Variants in SYN3 observed in about 807,000 individuals in gnomAD.
The protein encoded by SYN3 is synapsin III.
SYN3 carries 35 observed loss-of-function variants against 65.8 expected under a neutral mutation model. That is an observed-to-expected ratio of 0.53 (90% CI 0.41 to 0.70). The LOEUF is 0.70. Among genes scored for constraint, SYN3 ranks in the 30% least tolerant of loss-of-function variants. The pLI, the probability that SYN3 is intolerant of heterozygous loss-of-function variation, is 0.00. For synonymous variants in SYN3, 270 were observed against 292.9 expected, an observed-to-expected ratio of 0.92 and a Z score of 0.80; for missense variants, 680 against 749.0, an observed-to-expected ratio of 0.91 and a Z score of 1.08.
chr22:32,569,286 T>TCTATCTAG (rs1312396411), intron 7 of SYN3, among the ~76,000 whole-genome samples: 2 of 150,732 alleles, frequency 1.3e-5, no homozygotes, highest in Admixed American at 6.7e-5. Flanking sequence ...TATCTATCTA[T>TCTATCTAG]CTATCTATCT....
chr22:32,637,180 G>T (rs893686761), intron 6 of SYN3, among the ~76,000 whole-genome samples: 60 of 152,350 alleles, frequency 3.9e-4, no homozygotes, highest in African/African-American at 1.4e-3. Context: ...AAAGTGAAGT[G>T]TTGTAATAGA....
chr22:32,876,228 C>T (rs1339736889), intron 4 of SYN3, among the ~76,000 whole-genome samples: 1 of 152,170 alleles, frequency 6.6e-6, no homozygotes, highest in Non-Finnish European at 1.5e-5. Flanking sequence ...AGGCAGCTCT[C>T]TGGGGTCCCT....
chr22:33,034,563 A>G (rs2053818457), intron 1 of SYN3, among the ~76,000 whole-genome samples: 1 of 151,998 alleles, frequency 6.6e-6, no homozygotes, highest in African/African-American at 2.4e-5. Flanking sequence ...ACTACTTTCT[A>G]GTGACTCACT....
rs192162207 is a variant in SYN3, at chr22:32,773,926, G to A, written c.711+90989C>T. 4.2e-3 allele frequency among the ~76,000 whole-genome samples: 640 copies of A among 152,322 alleles called. 8 individuals carry two copies. The highest frequency in any genetic ancestry group is 3.7e-3 in the Non-Finnish European group (250 of 68,032). On this transcript the variant is annotated intron_variant, in intron 6 of 13. Transcript: ENST00000358763. Reference sequence around the variant, plus strand: ...CTTGCAAGATGAGCTGGAGTCAGAAGTGGACAAGGTTTGGAACGGAACTGC... The same window carrying A: ...CTTGCAAGATGAGCTGGAGTCAGAAATGGACAAGGTTTGGAACGGAACTGC...
chr22:32,639,102 C>T (rs1213378669), intron 6 of SYN3, among the ~76,000 whole-genome samples: 10 of 152,058 alleles, frequency 6.6e-5, no homozygotes, highest in East Asian at 1.9e-4. Context: ...TACAGGCGCC[C>T]GCCACCACCC....
At chr22:32,520,644 T>G (rs1378395107) in intron 12 of SYN3, among the ~76,000 whole-genome samples, 1 of 152,232 alleles carries the variant, frequency 6.6e-6, no homozygotes, top group Non-Finnish European at 1.5e-5. Context: ...GGCGGCTTCC[T>G]TCAGCTGAAG....
rs149636036 is a variant in SYN3, at chr22:32,515,772, A to G, written c.1611-1948T>C. Reference sequence around the variant, plus strand: ...GCGGAATACTATACAGCCATAAAAAATAAAATTCGAAGAAACTCGGTGCTC... The same window carrying G: ...GCGGAATACTATACAGCCATAAAAAGTAAAATTCGAAGAAACTCGGTGCTC... On this transcript the variant is annotated intron_variant, in intron 13 of 13. Coordinates refer to ENST00000358763, the MANE Select transcript of SYN3 (RefSeq NM_003490.4). 2.6e-5 allele frequency among the ~76,000 whole-genome samples: 4 copies of G among 152,320 alleles called. No individual in the cohort carries two copies. The East Asian group carries it at 5.8e-4, about 22-fold the overall frequency.
At chr22:32,743,752 G>A (rs1258693517) in intron 6 of SYN3, among the ~76,000 whole-genome samples, 1 of 152,102 alleles carries the variant, frequency 6.6e-6, no homozygotes, top group African/African-American at 2.4e-5. Flanking sequence ...TCCCTCTCCT[G>A]TTCCTTCCCT....
At chr22:32,985,581 G>A (rs1321398748) in intron 2 of SYN3, among the ~76,000 whole-genome samples, 2 of 152,172 alleles carry the variant, frequency 1.3e-5, no homozygotes, top group Admixed American at 6.5e-5. Flanking sequence ...AAAGTCACAC[G>A]AGTGATCTGG....
At chr22:32,520,145 A>G (rs1404381752) in intron 12 of SYN3, among the ~76,000 whole-genome samples, 1 of 152,080 alleles carries the variant, frequency 6.6e-6, no homozygotes, top group Non-Finnish European at 1.5e-5. Flanking sequence ...ATGTATGTAT[A>G]TATATAATTT....
intron 6 of SYN3, among the ~76,000 whole-genome samples, chr22:32,777,419 A>T (rs2045934515): frequency 6.6e-6 from 1 of 151,874 alleles, no homozygotes; most frequent in Non-Finnish European, 1.5e-5. Context: ...TCACACAGAA[A>T]CCTGTTTAGG....
At chr22:32,906,217 T>C (rs1010303555) in intron 4 of SYN3, among the ~76,000 whole-genome samples, 1 of 152,180 alleles carries the variant, frequency 6.6e-6, no homozygotes, top group Non-Finnish European at 1.5e-5. Flanking sequence ...TCTCAGTGTG[T>C]GCTCCTGGGA....
chr22:32,614,533 A>T (rs576090733), intron 6 of SYN3, among the ~76,000 whole-genome samples: 98 of 152,268 alleles, frequency 6.4e-4, no homozygotes, highest in African/African-American at 2.4e-3. Flanking sequence ...CAGGGGGATG[A>T]ACCCTGTCTG....
At chr22:32,899,261 T>C (rs1375123102) in intron 4 of SYN3, among the ~76,000 whole-genome samples, 2 of 152,218 alleles carry the variant, frequency 1.3e-5, no homozygotes, top group Non-Finnish European at 2.9e-5. Context: ...CTGATGCCTA[T>C]GGACTGAGCC....
intron 6 of SYN3, among the ~76,000 whole-genome samples, chr22:32,818,188 G>T (rs952258088): frequency 3.1e-4 from 47 of 152,186 alleles, no homozygotes; most frequent in Non-Finnish European, 6.2e-4. Flanking sequence ...GCTGCTCAGA[G>T]CGTTTTGGTG....
chr22:32,981,477 C>T (rs762181135), intron 2 of SYN3, among the ~76,000 whole-genome samples: 37 of 151,562 alleles, frequency 2.4e-4, no homozygotes, highest in Non-Finnish European at 4.7e-4. Context: ...CACAGCTACC[C>T]GGGAGGCTGA....
At chr22:32,983,908 C>T (rs1483896314) in intron 2 of SYN3, among the ~76,000 whole-genome samples, 2 of 151,938 alleles carry the variant, frequency 1.3e-5, no homozygotes, top group East Asian at 3.9e-4. Context: ...GCCTGTAATC[C>T]CAGCACTTTG....
At chr22:32,551,539 A>C (rs974202020) in intron 7 of SYN3, among the ~76,000 whole-genome samples, 2 of 149,364 alleles carry the variant, frequency 1.3e-5, no homozygotes, top group Admixed American at 1.3e-4. Context: ...AAAAAAAAAA[A>C]CAGAGGAGAC....
intron 2 of SYN3, among the ~76,000 whole-genome samples, chr22:32,983,146 T>C (rs2052419148): frequency 6.6e-6 from 1 of 152,314 alleles, no homozygotes; most frequent in South Asian, 2.1e-4. Context: ...AGCATTTCCA[T>C]AAACCTTCTC....
Sources: allele counts gnomAD v4.1 joint callset (sites outside exome capture counted in the v4.1 genomes callset), GRCh38; gene constraint gnomAD v4.1.1; transcripts MANE v1.5; gene names NCBI Gene and HGNC (gene_info 2026-07-23, HGNC 2026-07-21).